NALF1: variants seen among roughly 807,000 people sequenced by gnomAD.
NALF1 encodes NALCN channel auxiliary factor 1, also known as family with sequence similarity 155 member A.
In NALF1, 3 loss-of-function variants were observed where a neutral mutation model predicts 48.4. The ratio of observed to expected loss-of-function variants is 0.06; its 90% confidence interval spans 0.03 to 0.16. The LOEUF is 0.16. NALF1 is among the 10% of genes least tolerant of loss of function. The pLI, the probability that NALF1 is intolerant of heterozygous loss-of-function variation, is 1.00. For missense variants in NALF1, 526 were observed against 571.5 expected (o/e 0.92, Z 0.81); for synonymous variants, 262 against 245.7 (o/e 1.07, Z -0.62).
intron 2 of NALF1, among the ~76,000 whole-genome samples, chr13:107,192,303 A>T (rs756437705): frequency 6.6e-6 from 1 of 152,206 alleles, no homozygotes; most frequent in East Asian, 1.9e-4. Flanking sequence ...AATAACATGC[A>T]CTGACACACA....
intron 1 of NALF1, among the ~76,000 whole-genome samples, chr13:107,277,835 A>T (rs182038094): frequency 1.9e-3 from 284 of 152,338 alleles, no homozygotes; most frequent in African/African-American, 6.1e-3. Context: ...TTAAAATAAT[A>T]AGCAAGCTGG....
chr13:107,512,692 G>A (rs934238816), intron 1 of NALF1, among the ~76,000 whole-genome samples: 4 of 152,080 alleles, frequency 2.6e-5, no homozygotes, highest in Non-Finnish European at 4.4e-5. Context: ...AGTTTTTGCC[G>A]AAATTTCTAG....
intron 1 of NALF1, among the ~76,000 whole-genome samples, chr13:107,586,319 A>T (rs2138414141): frequency 6.6e-6 from 1 of 152,224 alleles, no homozygotes; most frequent in Non-Finnish European, 1.5e-5. Context: ...AAAACACTGT[A>T]AAATGCAGTC....
chr13:107,243,145 G>C (rs1451556386), intron 1 of NALF1, among the ~76,000 whole-genome samples: 1 of 152,106 alleles, frequency 6.6e-6, no homozygotes, highest in Non-Finnish European at 1.5e-5. Flanking sequence ...GCCTCGTCCT[G>C]ACCTGACCGC....
chr13:107,772,414 A>G (rs1877606468), intron 1 of NALF1, among the ~76,000 whole-genome samples: 1 of 152,208 alleles, frequency 6.6e-6, no homozygotes, highest in African/African-American at 2.4e-5. Flanking sequence ...GCATTATTAG[A>G]GAGTTTCCAT....
chr13:107,566,159 A>G (rs187001149), intron 1 of NALF1, among the ~76,000 whole-genome samples: 7 of 152,286 alleles, frequency 4.6e-5, no homozygotes, highest in Admixed American at 3.9e-4. Flanking sequence ...ATTCATCCAC[A>G]ATGATAGGGA....
At chr13:107,495,996 T>C (rs1176615799) in intron 1 of NALF1, among the ~76,000 whole-genome samples, 3 of 152,174 alleles carry the variant, frequency 2.0e-5, no homozygotes, top group South Asian at 2.1e-4. Flanking sequence ...AAAAAACTCA[T>C]AAAATTACAT....
intron 1 of NALF1, among the ~76,000 whole-genome samples, chr13:107,252,864 A>G (rs1880731149): frequency 6.6e-6 from 1 of 152,218 alleles, no homozygotes; most frequent in Non-Finnish European, 1.5e-5. Flanking sequence ...AAAGACAGTG[A>G]ACATCAGGGA....
chr13:107,742,449 T>C (rs563814405), intron 1 of NALF1, among the ~76,000 whole-genome samples: 1 of 152,330 alleles, frequency 6.6e-6, no homozygotes, highest in African/African-American at 2.4e-5. Context: ...CATGTTGTTC[T>C]AGTAATCCTG....
intron 1 of NALF1, among the ~76,000 whole-genome samples, chr13:107,396,403 G>C (rs544858522): frequency 6.6e-6 from 1 of 152,274 alleles, no homozygotes; most frequent in South Asian, 2.1e-4. Context: ...AACATTCAGG[G>C]AAGTGCCCCT....
chr13:107,360,385 A>AAATCCAT (rs1348306978), intron 1 of NALF1, among the ~76,000 whole-genome samples: 14 of 152,326 alleles, frequency 9.2e-5, no homozygotes, highest in African/African-American at 3.4e-4. Context: ...TGGAATCATC[A>AAATCCAT]AATCCATTTG....
At chr13:107,716,019 G>A (rs1278567681) in intron 1 of NALF1, among the ~76,000 whole-genome samples, 1 of 152,028 alleles carries the variant, frequency 6.6e-6, no homozygotes, top group Non-Finnish European at 1.5e-5. Flanking sequence ...GAACAACTTT[G>A]GGAAGCTAAG....
intron 1 of NALF1, among the ~76,000 whole-genome samples, chr13:107,734,388 G>A (rs1239416377): frequency 1.4e-5 from 1 of 71,748 alleles, no homozygotes; most frequent in Non-Finnish European, 3.5e-5. Flanking sequence ...AAAATCTATG[G>A]GTATTTTTCC....
chr13:107,242,762 T>C (rs1325630047), intron 1 of NALF1, among the ~76,000 whole-genome samples: 3 of 152,142 alleles, frequency 2.0e-5, no homozygotes, highest in Non-Finnish European at 4.4e-5. Flanking sequence ...ACAAGTTCTA[T>C]ATAACCTTGT....
At chr13:107,192,344 T>C (rs1879300772) in intron 2 of NALF1, among the ~76,000 whole-genome samples, 1 of 152,168 alleles carries the variant, frequency 6.6e-6, no homozygotes, top group Non-Finnish European at 1.5e-5. Flanking sequence ...CAGCTGAGTG[T>C]GTCTGGGCCG....
Position 107,800,731 on chromosome 13 carries a change from TATATA to T in NALF1, c.915+64946_915+64950del, listed in dbSNP as rs1042774886. ...TATAATACATATAAGATGTTATAATTATATAATATATGATATAATATATAATACAG... is the reference window on the plus strand; with the variant it reads ...TATAATACATATAAGATGTTATAATTATATATGATATAATATATAATACAG... On this transcript the variant is annotated intron_variant, in intron 1 of 2. Transcript: ENST00000375915. Among the ~76,000 whole-genome samples the T allele has an allele frequency of 1.8e-4, 26 of 147,820 alleles. No homozygotes were observed. In the East Asian group the frequency reaches 4.3e-3, roughly 24 times the overall value.
intron 1 of NALF1, among the ~76,000 whole-genome samples, chr13:107,277,991 A>T (rs1296453855): frequency 1.3e-5 from 2 of 152,188 alleles, no homozygotes; most frequent in Non-Finnish European, 2.9e-5. Context: ...AATTAAGAGA[A>T]AAAAATACTC....
chr13:107,632,541 C>G (rs1186605651), intron 1 of NALF1, among the ~76,000 whole-genome samples: 1 of 152,046 alleles, frequency 6.6e-6, no homozygotes, highest in African/African-American at 2.4e-5. Flanking sequence ...CTGATCCTCT[C>G]TTACTTTCTC....
chr13:107,861,268 G>T (rs2487332), intron 1 of NALF1, among the ~76,000 whole-genome samples: 4,989 of 152,172 alleles, frequency 0.033, 180 homozygotes, highest in African/African-American at 0.091. Flanking sequence ...AAAATTTTAA[G>T]TAGTCATCTG....
Sources: allele counts gnomAD v4.1 joint callset (sites outside exome capture counted in the v4.1 genomes callset), GRCh38; gene constraint gnomAD v4.1.1; transcripts MANE v1.5; gene names NCBI Gene and HGNC (gene_info 2026-07-23, HGNC 2026-07-21).